The following ARHGEF18 variants were observed in gnomAD, a reference collection of about 807,000 sequenced individuals.
ARHGEF18 encodes Rho/Rac guanine nucleotide exchange factor 18.
ARHGEF18 carries 93 observed loss-of-function variants against 155.7 expected under a neutral mutation model. The ratio of observed to expected loss-of-function variants is 0.60; its 90% CI spans 0.50 to 0.71. The LOEUF is 0.71. Ranked by LOEUF, ARHGEF18 falls within the 30% of genes least tolerant of loss-of-function variation. The pLI is 0.00. For missense variants in ARHGEF18, 1,593 were observed against 1,816.1 expected, an observed-to-expected ratio of 0.88 and a Z score of 2.23; for synonymous variants, 742 against 753.1, an observed-to-expected ratio of 0.99 and a Z score of 0.24.
chr19:7,457,020 G>A (rs368546053), intron 18 of ARHGEF18, among the ~76,000 whole-genome samples: 6 of 152,150 alleles, frequency 3.9e-5, no homozygotes, highest in African/African-American at 7.2e-5. Flanking sequence ...ACAGTCGTGC[G>A]CCACCGTGCC....
intron 2 of ARHGEF18, among the ~76,000 whole-genome samples, chr19:7,370,518 T>A (rs1970156626): frequency 6.6e-6 from 1 of 151,748 alleles, no homozygotes; most frequent in South Asian, 2.1e-4. Flanking sequence ...ATAAATAAAA[T>A]AAATAAATAA....
intron 10 of ARHGEF18, chr19:7,390,723 G>T (rs1971356832): frequency 6.6e-6 from 1 of 151,984 alleles, no homozygotes; most frequent in South Asian, 2.1e-4. Context: ...CTGCAAAGCT[G>T]CAAAAACAAA....
downstream of ARHGEF18, chr19:7,477,437 C>T (rs1977274151): frequency 9.8e-6 from 14 of 1,434,972 alleles, no homozygotes; most frequent in Non-Finnish European, 1.1e-5. Context: ...GGGCAGCGGG[C>T]TGTGGGGCAG....
Position 7,383,044 on chromosome 19 carries a change from C to T in ARHGEF18, c.826-18C>T, listed in dbSNP as rs1440950514. ...TGCCTGCAGAGGGCATCCTGAGACC[C>T]ACCTCTGTCCCATCCAGGGGAAGAG... On this transcript the variant is annotated intron_variant, in intron 9 of 28. Transcript: ENST00000668164. 2 of 1,232,194 alleles carry T rather than the reference C, an allele frequency of 1.6e-6. No homozygotes were observed. The highest frequency in any genetic ancestry group is 2.0e-6 in the Non-Finnish European group (2 of 988,106). 76.3% of individuals were successfully genotyped at this position (1,232,194 alleles called of 1,614,324 possible). A position where few individuals can be genotyped will look rare whatever the true frequency, so the allele number is the denominator to read the frequency against.
At position 7,453,586 on chromosome 19, in the gene ARHGEF18, G is replaced by A; in HGVS notation, c.1975G>A (p.Gly659Arg). ...EKGQRLREIA[G>R]KMDLKSSSKL... ...GGGCCAGCGCCTCAGGGAGATCGCAGGGAAGATGGACCTGAAGTCTTCCAG... is the reference window on the plus strand; with the variant it reads ...GGGCCAGCGCCTCAGGGAGATCGCAAGGAAGATGGACCTGAAGTCTTCCAG... The change falls in exon 17 of 29, where the codon GGG becomes AGG. Residue 659 changes from glycine to arginine, a missense_variant. By Grantham distance (125) the Gly-to-Arg change is moderately radical. Transcript: ENST00000668164. 2 of 1,614,036 alleles carry A rather than the reference G, an allele frequency of 1.2e-6. No individual in the cohort carries two copies. Among genetic ancestry groups the A allele is most frequent in the Middle Eastern group, 1.7e-4 (1 of 6,058 alleles).
downstream of ARHGEF18, among the ~76,000 whole-genome samples, chr19:7,473,692 C>A (rs1252215779): frequency 1.3e-5 from 2 of 151,216 alleles, no homozygotes; most frequent in Admixed American, 6.6e-5. Context: ...CGCCTGTAGT[C>A]CCAGCTACTC....
chr19:7,390,344 TAAAAACACAAA>T (rs957641049), intron 10 of ARHGEF18, among the ~76,000 whole-genome samples: 3 of 151,362 alleles, frequency 2.0e-5, no homozygotes, highest in Non-Finnish European at 2.9e-5. Context: ...CCATCTCCAT[TAAAAACACAAA>T]ACAATTAGCG....
chr19:7,357,901 T>C (rs1463934893), intron 1 of ARHGEF18, among the ~76,000 whole-genome samples: 1 of 152,152 alleles, frequency 6.6e-6, no homozygotes, highest in Non-Finnish European at 1.5e-5. Context: ...GCATGTCTGA[T>C]GAGTGCAGTC....
At chr19:7,474,140 A>T (rs1318959430), downstream of ARHGEF18, among the ~76,000 whole-genome samples, 2 of 151,964 alleles carry the variant, frequency 1.3e-5, no homozygotes, top group African/African-American at 2.4e-5. Context: ...GGAGTTTGAG[A>T]CCAGCCTGGC....
chr19:7,467,278 A>C lies in ARHGEF18; in HGVS notation c.3074A>C (p.Lys1025Thr). ...CGGGCTGCCATCCAGGAGCGGGAGA[A>C]GCAGTTCCGGCTGCAGTCGACGCGT... is the stretch of plus-strand genomic sequence containing the variant. The part of the protein sequence containing the change: ...TQRAAIQERE[K>T]QFRLQSTRGN... Residue 1025 changes from lysine to threonine, a missense_variant, in exon 26 of 29, where the codon AAG becomes ACG. Coordinates refer to ENST00000668164, the MANE Select transcript of ARHGEF18 (RefSeq NM_001367823.1). 1.3e-6 allele frequency: 2 copies of C among 1,554,682 alleles called. No homozygotes were observed. Among genetic ancestry groups the C allele is most frequent in the Non-Finnish European group, 1.7e-6 (2 of 1,152,830 alleles).
chr19:7,421,653 T>G (rs941996737), intron 10 of ARHGEF18, among the ~76,000 whole-genome samples: 3 of 152,042 alleles, frequency 2.0e-5, no homozygotes, highest in Non-Finnish European at 4.4e-5. Context: ...TCCCAGCTAC[T>G]TGGGAGGCTG....
rs886824244 is a variant in ARHGEF18, at chr19:7,470,514, CTCTT to C, written c.*218_*221del. 13 of 406,728 alleles carry C rather than the reference CTCTT, an allele frequency of 3.2e-5. No individual in the cohort carries two copies. Among genetic ancestry groups the C allele is most frequent in the Non-Finnish European group, 4.6e-5 (11 of 239,452 alleles). The allele number at this position is 406,728 out of a possible 1,614,324, so 25.2% of individuals were successfully genotyped here. On this transcript the variant is annotated 3_prime_UTR_variant, in exon 29 of 29. Coordinates refer to ENST00000668164, the MANE Select transcript of ARHGEF18 (RefSeq NM_001367823.1). This position sits in a 1 kb window ranked among gnomAD's most constrained non-coding sequence, Gnocchi z 5.9. Reference sequence around the variant, plus strand: ...GTGGTGCCGGGGTCACTTTCTGAATCTCTTTTTTTTTTTTTCAAAAAGGAAAGTT... The same window carrying C: ...GTGGTGCCGGGGTCACTTTCTGAATCTTTTTTTTTTTCAAAAAGGAAAGTT...
In ARHGEF18 at chr19:7,458,612, C is replaced by G; in HGVS notation, c.2282C>G (p.Pro761Arg). Reference sequence around the variant, plus strand: ...CTGATCAGCGCCTCCTTGCAAGGGCCGGAGATGTATGAAATCTACACGAGC... The same window carrying G: ...CTGATCAGCGCCTCCTTGCAAGGGCGGGAGATGTATGAAATCTACACGAGC... ...MFLISASLQG[P>R]EMYEIYTSSK... is the part of the protein sequence containing the mutation. The change falls in exon 19 of 29, where the codon CCG becomes CGG. Residue 761 changes from proline (P) to arginine (R), a missense_variant. Coordinates refer to ENST00000668164, the MANE Select transcript of ARHGEF18 (RefSeq NM_001367823.1). 2 of 1,614,174 alleles carry G rather than the reference C, an allele frequency of 1.2e-6. No homozygotes were observed. The highest frequency in any genetic ancestry group is 1.7e-6 in the Non-Finnish European group (2 of 1,180,044).
intron 14 of ARHGEF18, among the ~76,000 whole-genome samples, chr19:7,445,297 A>C (rs1250573305): frequency 6.6e-6 from 1 of 152,074 alleles, no homozygotes; most frequent in Non-Finnish European, 1.5e-5. Context: ...CATGAAAATA[A>C]ATTAGCCAGC....
intron 10 of ARHGEF18, among the ~76,000 whole-genome samples, chr19:7,401,283 G>T (rs1287883472): frequency 6.6e-6 from 1 of 151,884 alleles, no homozygotes; most frequent in African/African-American, 2.4e-5. Flanking sequence ...TAACCAATGA[G>T]GTTTTGTTTG....
intron 10 of ARHGEF18, among the ~76,000 whole-genome samples, chr19:7,418,503 C>T (rs1158447343): frequency 1.3e-5 from 2 of 152,146 alleles, no homozygotes; most frequent in Non-Finnish European, 2.9e-5. Flanking sequence ...ATTCCTCCCA[C>T]TCTGTCAGTG....
intron 10 of ARHGEF18, among the ~76,000 whole-genome samples, chr19:7,389,484 CTTCT>C (rs940132200): frequency 7.7e-6 from 1 of 130,578 alleles, no homozygotes; most frequent in Non-Finnish European, 1.6e-5. Context: ...TCCTTCCTTC[CTTCT>C]TCCTTCCTCC....
At chr19:7,363,154 G>A (rs984627773) in intron 2 of ARHGEF18, among the ~76,000 whole-genome samples, 3 of 152,036 alleles carry the variant, frequency 2.0e-5, no homozygotes, top group African/African-American at 7.2e-5. Context: ...ATGGGTGGGT[G>A]GGTGTCTGGA....
chr19:7,451,110 C>T (rs369872943), intron 15 of ARHGEF18, 39 bp from the exon 16 acceptor site: 1 of 1,590,464 alleles, frequency 6.3e-7, no homozygotes, highest in Non-Finnish European at 8.6e-7. Flanking sequence ...CTGTCCGTTT[C>T]TGAGATGTTA....
Sources: gnomAD v4.1 joint callset for allele counts (sites outside exome capture counted in the v4.1 genomes callset) on GRCh38, gnomAD v4.1.1 for gene constraint, Gnocchi (gnomAD v3.1) non-coding constraint, MANE v1.5 for transcripts, NCBI Gene and HGNC (gene_info 2026-07-23, HGNC 2026-07-21) for gene names.